NPW: variants seen among roughly 807,000 people sequenced by gnomAD.
NPW encodes the protein neuropeptide W.
NPW carries 8 observed loss-of-function variants against 9.9 expected under a neutral mutation model. That is an observed-to-expected ratio of 0.81 (90% CI 0.47 to 1.46). NPW has a LOEUF of 1.46. Ranked by LOEUF, NPW falls within the 40% of genes most tolerant of loss-of-function variation. The pLI, the probability that NPW is intolerant of heterozygous loss-of-function variation, is 0.00. For synonymous variants in NPW, 134 were observed against 119.9 expected (o/e 1.12, Z -0.77); for missense variants, 287 against 240.3 (o/e 1.19, Z -1.28).
intron 1 of NPW, 55 bp downstream of exon 1, chr16:2,020,367 C>G (rs1392834044): frequency 1.7e-5 from 24 of 1,412,104 alleles, no homozygotes; most frequent in Non-Finnish European, 2.3e-5. Context: ...CTCGGGAGGT[C>G]TGAGCCGGAG....
rs748223308 is a variant in NPW, at chr16:2,020,552, C to A, written c.431C>A (p.Ser144Tyr). Residue 144 changes from serine (S) to tyrosine (Y), a missense_variant, in exon 2 of 2, where the codon TCC (serine) becomes TAC (tyrosine). By Grantham distance (144) the Ser-to-Tyr change is moderately radical (BLOSUM62 -2). Transcript: ENST00000566435. ...CGTTAGAGACTTCGGAGAGACGTCT[C>A]CCGCCCAGCGGTGGACCCCGCAGCA... 6.2e-7 allele frequency: 1 copy of A among 1,609,672 alleles called. No individual in the cohort carries two copies. The highest frequency in any genetic ancestry group is 8.5e-7 in the Non-Finnish European group (1 of 1,177,652).
rs954845460 is a variant in NPW, at chr16:2,019,867, G to T, written c.-35G>T. On this transcript the variant is annotated 5_prime_UTR_variant, in exon 1 of 2. Coordinates refer to ENST00000566435, the MANE Select transcript of NPW (RefSeq NM_001099456.3). ...CCAAACCCAGCCGAGCCGGTTCGTG[G>T]CCCGCCCCGCCGGGCGGCCGTCGAC... 6 of 1,210,990 alleles carry T rather than the reference G, an allele frequency of 5.0e-6. No individual in the cohort carries two copies. The African/African-American group carries it at 9.5e-5, about 19-fold the overall frequency. The allele number at this position is 1,210,990 out of a possible 1,614,324, so 75.0% of individuals were successfully genotyped here.
chr16:2,019,806 G>A lies in NPW; in HGVS notation c.-96G>A, dbSNP rs1027296085. The A allele has an allele frequency of 3.4e-6, 4 of 1,194,006 alleles. No homozygotes were observed. Among genetic ancestry groups the A allele is most frequent in the Non-Finnish European group, 4.1e-6 (4 of 964,186 alleles). 74.0% of individuals were successfully genotyped at this position (1,194,006 alleles called of 1,614,324 possible). On this transcript the variant is annotated 5_prime_UTR_variant, in exon 1 of 2. Transcript: ENST00000566435. ...CCACGGCTCGCCTCCAGCCTCCTGC[G>A]CTCCGGTACCTGGGCGTCCCAACTC...
Position 2,019,832 on chromosome 16 carries a change from C to T in NPW, c.-70C>T. The T allele has an allele frequency of 8.3e-7, 1 of 1,202,110 alleles. No individual in the cohort carries two copies. Among genetic ancestry groups the T allele is most frequent in the Non-Finnish European group, 1.0e-6 (1 of 969,904 alleles). The allele number at this position is 1,202,110 out of a possible 1,614,324, so 74.5% of individuals were successfully genotyped here. On this transcript the variant is annotated 5_prime_UTR_variant, in exon 1 of 2. Transcript: ENST00000566435. ...CTCCGGTACCTGGGCGTCCCAACTC[C>T]ACTGCGCGCCCAAACCCAGCCGAGC...
Position 2,020,323 on chromosome 16 carries a change from G to GC in NPW, c.411+11_411+12insC. 6.8e-7 allele frequency: 1 copy of GC among 1,468,038 alleles called. No individual in the cohort carries two copies. Among genetic ancestry groups the GC allele is most frequent in the Non-Finnish European group, 9.0e-7 (1 of 1,107,452 alleles). 90.9% of individuals were successfully genotyped at this position (1,468,038 alleles called of 1,614,324 possible). On this transcript the variant is annotated intron_variant, in intron 1 of 1. Coordinates refer to ENST00000566435, the MANE Select transcript of NPW (RefSeq NM_001099456.3). The stretch of plus-strand genomic sequence containing the variant: ...AGCGGAGCTGGCCAGGTACGTGAGA[G>GC]GGGAGAGGCCTGGACCGCCGCGGGC...
Position 2,020,564 on chromosome 16 carries a change from T to G in NPW, c.443T>G (p.Val148Gly), listed in dbSNP as rs374800860. Residue 148 changes from valine (V) to glycine (G), a missense_variant, in exon 2 of 2, where the codon GTG becomes GGG. Coordinates refer to ENST00000566435, the MANE Select transcript of NPW (RefSeq NM_001099456.3). ...CGGAGAGACGTCTCCCGCCCAGCGG[T>G]GGACCCCGCAGCAAACCGCCTTGGC... 1 of 1,609,762 alleles carries G rather than the reference T, an allele frequency of 6.2e-7. No individual in the cohort carries two copies. Among genetic ancestry groups the G allele is most frequent in the Admixed American group, 1.7e-5 (1 of 59,884 alleles).
In NPW at chr16:2,020,193, C is replaced by G; in HGVS notation, c.292C>G (p.Leu98Val). 6.3e-7 allele frequency: 1 copy of G among 1,598,364 alleles called. No homozygotes were observed. Among genetic ancestry groups the G allele is most frequent in the Non-Finnish European group, 8.5e-7 (1 of 1,175,916 alleles). The change falls in exon 1 of 2, where the codon CTG becomes GTG. Residue 98 changes from leucine (L) to valine (V), a missense_variant. By Grantham distance (32) the Leu-to-Val change is conservative. Transcript: ENST00000566435. ...CCTGCTGCCCTCGTGGGTTCAGGAG[C>G]TGTGGGAGACGCGACGCAGGAGCTC...
Position 2,020,666 on chromosome 16 carries a change from G to A in NPW, c.*47G>A, listed in dbSNP as rs766957503. 1 of 1,261,142 alleles carries A rather than the reference G, an allele frequency of 7.9e-7. No homozygotes were observed. Among genetic ancestry groups the A allele is most frequent in the South Asian group, 1.3e-5 (1 of 79,274 alleles). The allele number at this position is 1,261,142 out of a possible 1,614,324, so 78.1% of individuals were successfully genotyped here. ...GGCGCCTCCGCGCCTGACCCAGGAG[G>A]AGTGGCCGCGCGCTTCCAGGAGCCG... is the stretch of plus-strand genomic sequence containing the variant. On this transcript the variant is annotated 3_prime_UTR_variant, in exon 2 of 2. Transcript: ENST00000566435.
In NPW at chr16:2,019,996, C is replaced by G; in HGVS notation, c.95C>G (p.Ala32Gly). The change falls in exon 1 of 2, where the codon GCG becomes GGG. Residue 32 changes from alanine to glycine, a missense_variant. By Grantham distance (60) the Ala-to-Gly change is moderately conservative. Transcript: ENST00000566435. ...CTCCTGCTGCCGCTGCCCTCCGGCG[C>G]GTGGTACAAGCACGTGGCGAGTCCC... is the stretch of plus-strand genomic sequence containing the variant. 1.4e-6 allele frequency: 2 copies of G among 1,450,798 alleles called. No individual in the cohort carries two copies. The highest frequency in any genetic ancestry group is 1.8e-6 in the Non-Finnish European group (2 of 1,102,818). The allele number at this position is 1,450,798 out of a possible 1,614,324, so 89.9% of individuals were successfully genotyped here. A position where few individuals can be genotyped will look rare whatever the true frequency, so the allele number is the denominator to read the frequency against.
rs753537430 is a variant in NPW, at chr16:2,020,235, G to C, written c.334G>C (p.Val112Leu). Residue 112 changes from valine (V) to leucine (L), a missense_variant, in exon 1 of 2, where the codon GTC becomes CTC. By Grantham distance (32) the Val-to-Leu change is conservative (BLOSUM62 1). Transcript: ENST00000566435. ...CAGGAGCTCCCAGGCAGGGATCCCC[G>C]TCCGTGCGCCCCGGAGCCCGCGCGC... The C allele has an allele frequency of 3.2e-6, 5 of 1,576,406 alleles. No individual in the cohort carries two copies. The South Asian group carries it at 3.4e-5, about 11-fold the overall frequency.
chr16:2,019,993 G>A lies in NPW; in HGVS notation c.92G>A (p.Gly31Asp). 6.9e-7 allele frequency: 1 copy of A among 1,448,816 alleles called. No individual in the cohort carries two copies. Among genetic ancestry groups the A allele is most frequent in the Non-Finnish European group, 9.1e-7 (1 of 1,101,734 alleles). 89.7% of individuals were successfully genotyped at this position (1,448,816 alleles called of 1,614,324 possible). Reference sequence around the variant, plus strand: ...CTGCTCCTGCTGCCGCTGCCCTCCGGCGCGTGGTACAAGCACGTGGCGAGT... The same window carrying A: ...CTGCTCCTGCTGCCGCTGCCCTCCGACGCGTGGTACAAGCACGTGGCGAGT... Residue 31 changes from glycine to aspartate, a missense_variant, in exon 1 of 2, where the codon GGC (glycine) becomes GAC (aspartate). Transcript: ENST00000566435.
rs1194409962 is a variant in NPW, at chr16:2,019,789, C to T, written c.-113C>T. 8.4e-7 allele frequency: 1 copy of T among 1,190,176 alleles called. No homozygotes were observed. Among genetic ancestry groups the T allele is most frequent in the East Asian group, 3.7e-5 (1 of 27,336 alleles). The allele number at this position is 1,190,176 out of a possible 1,614,324, so 73.7% of individuals were successfully genotyped here. ...CTGGGCCTGCAGGGGACCCACGGCT[C>T]GCCTCCAGCCTCCTGCGCTCCGGTA... On this transcript the variant is annotated 5_prime_UTR_variant, in exon 1 of 2. Transcript: ENST00000566435.
rs781018838 is a variant in NPW, at chr16:2,019,999, G to C, written c.98G>C (p.Trp33Ser). ...CTGCTGCCGCTGCCCTCCGGCGCGT[G>C]GTACAAGCACGTGGCGAGTCCCCGC... The change falls in exon 1 of 2, where the codon TGG (tryptophan) becomes TCG (serine). Residue 33 changes from tryptophan (W) to serine (S), a missense_variant. Physicochemically the swap from Trp to Ser is radical, Grantham distance 177. Transcript: ENST00000566435. 10 of 1,451,568 alleles carry C rather than the reference G, an allele frequency of 6.9e-6. No homozygotes were observed. The highest frequency in any genetic ancestry group is 9.1e-6 in the Non-Finnish European group (10 of 1,103,198). 89.9% of individuals were successfully genotyped at this position (1,451,568 alleles called of 1,614,324 possible). A position where few individuals can be genotyped will look rare whatever the true frequency, so the allele number is the denominator to read the frequency against.
At position 2,020,142 on chromosome 16, in the gene NPW, G is replaced by A. The variant is rs371351683; in HGVS notation, c.241G>A (p.Glu81Lys). 9 of 1,574,014 alleles carry A rather than the reference G, an allele frequency of 5.7e-6. No homozygotes were observed. The African/African-American group carries it at 1.1e-4, about 19-fold the overall frequency. ...CCTGGCCAGGGACACCCTCTCCCCC[G>A]AACCCGCAGCCCGCGAGGCTCCTCT... is the stretch of plus-strand genomic sequence containing the variant. The change falls in exon 1 of 2, where the codon GAA (glutamate) becomes AAA (lysine). Residue 81 changes from glutamate to lysine, a missense_variant. Glu to Lys is a moderately conservative substitution (Grantham distance 56, BLOSUM62 1). Coordinates refer to ENST00000566435, the MANE Select transcript of NPW (RefSeq NM_001099456.3).
chr16:2,019,858 C>G lies in NPW; in HGVS notation c.-44C>G. 1.7e-6 allele frequency: 2 copies of G among 1,208,626 alleles called. No homozygotes were observed. Among genetic ancestry groups the G allele is most frequent in the Non-Finnish European group, 2.1e-6 (2 of 974,046 alleles). 74.9% of individuals were successfully genotyped at this position (1,208,626 alleles called of 1,614,324 possible). A position where few individuals can be genotyped will look rare whatever the true frequency, so the allele number is the denominator to read the frequency against. ...ACTGCGCGCCCAAACCCAGCCGAGC[C>G]GGTTCGTGGCCCGCCCCGCCGGGCG... On this transcript the variant is annotated 5_prime_UTR_variant, in exon 1 of 2. Transcript: ENST00000566435.
At chr16:2,020,476 G>C (rs190335916) in intron 1 of NPW, 57 bp from the exon 2 acceptor site, 11 of 1,403,454 alleles carry the variant, frequency 7.8e-6, no homozygotes, top group African/African-American at 7.3e-5. Context: ...TGGCACCCGG[G>C]GGCGGTGGTT....
rs1031815072 is a variant in NPW, at chr16:2,019,865, T to C, written c.-37T>C. 1.7e-6 allele frequency: 2 copies of C among 1,210,582 alleles called. No individual in the cohort carries two copies. Among genetic ancestry groups the C allele is most frequent in the African/African-American group, 3.2e-5 (2 of 63,204 alleles). The allele number at this position is 1,210,582 out of a possible 1,614,324, so 75.0% of individuals were successfully genotyped here. A position where few individuals can be genotyped will look rare whatever the true frequency, so the allele number is the denominator to read the frequency against. Reference sequence around the variant, plus strand: ...GCCCAAACCCAGCCGAGCCGGTTCGTGGCCCGCCCCGCCGGGCGGCCGTCG... The same window carrying C: ...GCCCAAACCCAGCCGAGCCGGTTCGCGGCCCGCCCCGCCGGGCGGCCGTCG... On this transcript the variant is annotated 5_prime_UTR_variant, in exon 1 of 2. Transcript: ENST00000566435.
In NPW at chr16:2,020,312, G is replaced by C. The variant is rs934982088; in HGVS notation, c.411G>C (p.Gln137His). 1.3e-6 allele frequency: 2 copies of C among 1,485,884 alleles called. No individual in the cohort carries two copies. Among genetic ancestry groups the C allele is most frequent in the African/African-American group, 1.6e-5 (1 of 63,048 alleles). The allele number at this position is 1,485,884 out of a possible 1,614,324, so 92.0% of individuals were successfully genotyped here. A position where few individuals can be genotyped will look rare whatever the true frequency, so the allele number is the denominator to read the frequency against. The change falls in exon 1 of 2, where the codon CAG becomes CAC. Residue 137 changes from glutamine (Q) to histidine (H), a missense_variant and splice_region_variant. By Grantham distance (24) the Gln-to-His change is conservative (BLOSUM62 0). Transcript: ENST00000566435. ...CCCTGGACTTCAGCGGAGCTGGCCA[G>C]GTACGTGAGAGGGGAGAGGCCTGGA... is the stretch of plus-strand genomic sequence containing the variant.
At position 2,020,674 on chromosome 16, in the gene NPW, G is replaced by C; in HGVS notation, c.*55G>C. The C allele has an allele frequency of 8.4e-7, 1 of 1,190,780 alleles. No homozygotes were observed. 73.8% of individuals were successfully genotyped at this position (1,190,780 alleles called of 1,614,324 possible). On this transcript the variant is annotated 3_prime_UTR_variant, in exon 2 of 2. Transcript: ENST00000566435. ...CGCGCCTGACCCAGGAGGAGTGGCCGCGCGCTTCCAGGAGCCGCTCATAGA... is the reference window on the plus strand; with the variant it reads ...CGCGCCTGACCCAGGAGGAGTGGCCCCGCGCTTCCAGGAGCCGCTCATAGA...
Sources: gnomAD v4.1 joint callset for allele counts on GRCh38, gnomAD v4.1.1 for gene constraint, MANE v1.5 for transcripts, NCBI Gene and HGNC (gene_info 2026-07-23, HGNC 2026-07-21) for gene names.